ZNF407: variants seen among roughly 807,000 people sequenced by gnomAD.
ZNF407 encodes the protein zinc finger protein 407.
A neutral mutation model predicts 131.2 loss-of-function variants in ZNF407; 17 were observed. The observed-to-expected ratio is 0.13, with a 90% CI of 0.09 to 0.19. The LOEUF (loss-of-function observed/expected upper bound fraction) is 0.19. Ranked by LOEUF, ZNF407 falls within the 10% of genes least tolerant of loss-of-function variation. The pLI, the probability that ZNF407 is intolerant of heterozygous loss-of-function variation, is 1.00. For missense variants in ZNF407, 2,681 were observed against 2,830.6 expected (o/e 0.95, Z 1.20); for synonymous variants, 1,156 against 1,062.0 (o/e 1.09, Z -1.72).
intron 3 of ZNF407, among the ~76,000 whole-genome samples, chr18:74,725,369 T>G (rs1303593833): frequency 6.6e-6 from 1 of 152,234 alleles, no homozygotes; most frequent in African/African-American, 2.4e-5. Context: ...CTGATTGTTT[T>G]TAAAAATCAG....
intron 8 of ZNF407, among the ~76,000 whole-genome samples, chr18:75,055,810 A>C (rs76924808): frequency 0.036 from 5,420 of 152,294 alleles, 133 homozygotes; most frequent in Non-Finnish European, 0.051. Context: ...AATTAAGAAA[A>C]AGGGACTAAA....
chr18:74,802,408 G>A (rs554714290), intron 4 of ZNF407, among the ~76,000 whole-genome samples: 1 of 152,264 alleles, frequency 6.6e-6, no homozygotes, highest in South Asian at 2.1e-4. Flanking sequence ...ACTTTGAACT[G>A]TTGTGGAAAA....
chr18:74,804,451 CT>C, intron 4 of ZNF407: 1 of 991,366 alleles, frequency 1.0e-6, no homozygotes, highest in Non-Finnish European at 1.2e-6. Context: ...TCAGAGAAGT[CT>C]TTCGTTAATC....
At chr18:74,810,322 T>G (rs1302442757) in intron 4 of ZNF407, among the ~76,000 whole-genome samples, 3 of 150,728 alleles carry the variant, frequency 2.0e-5, no homozygotes, top group Non-Finnish European at 4.4e-5. Context: ...GCCAAAAGTT[T>G]TAGATTTAAG....
chr18:74,766,793 C>T (rs1277078885), intron 3 of ZNF407, among the ~76,000 whole-genome samples: 1 of 152,136 alleles, frequency 6.6e-6, no homozygotes, highest in African/African-American at 2.4e-5. Flanking sequence ...CTCTTTGCTG[C>T]CTGTAGCTTT....
intron 7 of ZNF407, among the ~76,000 whole-genome samples, chr18:74,902,654 A>G (rs1162920188): frequency 1.3e-5 from 2 of 152,224 alleles, no homozygotes; most frequent in Admixed American, 1.3e-4. Context: ...AGGTGATCAC[A>G]GAACTTTGGA....
chr18:74,977,247 G>A (rs1972538406), intron 8 of ZNF407, among the ~76,000 whole-genome samples: 1 of 152,232 alleles, frequency 6.6e-6, no homozygotes, highest in African/African-American at 2.4e-5. Flanking sequence ...TTGTATTCAT[G>A]TAGATCAGCG....
intron 4 of ZNF407, among the ~76,000 whole-genome samples, chr18:74,786,792 T>C (rs11150941): frequency 1.8e-5 from 2 of 110,106 alleles, no homozygotes; most frequent in Non-Finnish European, 3.6e-5. Flanking sequence ...TAAAAAAGTA[T>C]GTTTTTTTTT....
chr18:74,895,798 C>G (rs1971446532), intron 7 of ZNF407, among the ~76,000 whole-genome samples: 1 of 152,116 alleles, frequency 6.6e-6, no homozygotes, highest in South Asian at 2.1e-4. Flanking sequence ...ATTCATTGTT[C>G]TGTTCTGCCA....
At chr18:74,669,008 C>T (rs752560088) in intron 3 of ZNF407, among the ~76,000 whole-genome samples, 4 of 152,034 alleles carry the variant, frequency 2.6e-5, no homozygotes, top group Non-Finnish European at 5.9e-5. Flanking sequence ...CGGGAGCACA[C>T]GTTCCCTCTA....
intron 4 of ZNF407, among the ~76,000 whole-genome samples, chr18:74,872,578 A>T (rs137873004): frequency 6.6e-6 from 1 of 152,058 alleles, no homozygotes; most frequent in Admixed American, 6.5e-5. Context: ...TGTGGCCAAC[A>T]TGGTGAAACC....
chr18:74,841,247 C>T (rs1439956076), intron 4 of ZNF407, among the ~76,000 whole-genome samples: 1 of 152,192 alleles, frequency 6.6e-6, no homozygotes, highest in Non-Finnish European at 1.5e-5. Context: ...TTTTCGTAGG[C>T]TGAAATGGGC....
intron 4 of ZNF407, among the ~76,000 whole-genome samples, chr18:74,848,154 A>C (rs1219440476): frequency 1.3e-5 from 2 of 152,172 alleles, no homozygotes; most frequent in African/African-American, 2.4e-5. Context: ...GACTTATTAT[A>C]TATTTCATTG....
At chr18:74,782,186 A>T (rs1379856574) in intron 4 of ZNF407, among the ~76,000 whole-genome samples, 1 of 152,158 alleles carries the variant, frequency 6.6e-6, no homozygotes, top group Admixed American at 6.5e-5. Context: ...CTTTCCTTAA[A>T]GTCAGGATAG....
At chr18:74,754,186 G>A (rs945021775) in intron 3 of ZNF407, among the ~76,000 whole-genome samples, 2 of 151,966 alleles carry the variant, frequency 1.3e-5, no homozygotes, top group African/African-American at 4.8e-5. Flanking sequence ...TGGGATTGGT[G>A]GTGCTATCCC....
At chr18:74,657,585 T>C (rs1303147845) in intron 3 of ZNF407, among the ~76,000 whole-genome samples, 2 of 152,312 alleles carry the variant, frequency 1.3e-5, no homozygotes, top group East Asian at 3.9e-4. Context: ...CATTGATCTT[T>C]GCGATGGTGT....
rs114595248 is a variant in ZNF407 at position 74,643,952 on chromosome 18, T to A, written c.4802+2830T>A. On this transcript the variant is annotated intron_variant, in intron 3 of 8. Transcript: ENST00000299687. ...AATCTTAACTACCGTATATCTTGGG[T>A]TTAAGTTAGTTTGACAGAAGAAGCT... Among the ~76,000 whole-genome samples the A allele has an allele frequency of 3.8e-3, 584 of 151,974 alleles. 1 individual carries two copies. The highest frequency in any genetic ancestry group is 0.013 in the African/African-American group (554 of 41,512).
chr18:75,026,374 G>T (rs927901464), intron 8 of ZNF407, among the ~76,000 whole-genome samples: 1 of 152,138 alleles, frequency 6.6e-6, no homozygotes, highest in African/African-American at 2.4e-5. Flanking sequence ...TAATAATCCA[G>T]ATTTTTGAAT....
At chr18:74,819,081 T>G (rs1222927016) in intron 4 of ZNF407, among the ~76,000 whole-genome samples, 1 of 151,848 alleles carries the variant, frequency 6.6e-6, no homozygotes, top group Non-Finnish European at 1.5e-5. Flanking sequence ...TCATCTGAAG[T>G]CCCCCAGCCG....
Sources: allele counts gnomAD v4.1 joint callset (sites outside exome capture counted in the v4.1 genomes callset), GRCh38; gene constraint gnomAD v4.1.1; transcripts MANE v1.5; gene names NCBI Gene and HGNC (gene_info 2026-07-23, HGNC 2026-07-21).